The following RNF130 variants were observed in gnomAD, a reference collection of about 807,000 sequenced individuals.
RNF130 encodes the protein ring finger protein 130, also known as E3 ubiquitin-protein ligase RNF130.
RNF130 carries 21 observed loss-of-function variants against 44.6 expected under a neutral mutation model. The ratio of observed to expected loss-of-function variants is 0.47; its 90% CI spans 0.33 to 0.68. The LOEUF (loss-of-function observed/expected upper bound fraction) is 0.68, where lower values mean the gene tolerates loss of function less well. Ranked by LOEUF, RNF130 falls within the 30% of genes least tolerant of loss-of-function variation. The probability of loss-of-function intolerance (pLI) is 0.02; values close to 1 mark genes in which losing one functional copy is unlikely to be tolerated. For missense variants in RNF130, 479 were observed against 560.6 expected (o/e 0.85, Z 1.47); for synonymous variants, 214 against 210.4 (o/e 1.02, Z -0.15).
At chr5:179,915,601 G>T in exon 8 of RNF130, 1 of 152,474 alleles carries the variant, frequency 6.6e-6, no homozygotes, top group Non-Finnish European at 1.5e-5. Context: ...GTCAGAGCCT[G>T]GTGTGGGGTC....
chr5:180,013,370 A>G, intron 2 of RNF130, 59 bp from the exon 3 acceptor site: 8 of 1,424,186 alleles, frequency 5.6e-6, no homozygotes, highest in Non-Finnish European at 7.7e-6. Context: ...GAAACATCAA[A>G]TGTATCAACA....
chr5:180,022,850 A>G (rs1200384162), intron 2 of RNF130, among the ~76,000 whole-genome samples: 1 of 152,256 alleles, frequency 6.6e-6, no homozygotes, highest in East Asian at 1.9e-4. Context: ...ATGCTTTCTT[A>G]CAAGCTTTTG....
rs57927481 is a variant in RNF130, at chr5:180,055,440, T to TCTGTG, written c.248-14794_248-14793insCACAG. Among the ~76,000 whole-genome samples, 968 of 150,684 alleles carry TCTGTG rather than the reference T, an allele frequency of 6.4e-3. 10 individuals carry two copies. The highest frequency in any genetic ancestry group is 0.02 in the African/African-American group (821 of 40,986). ...TCCTCAACCTGAATGTCAGATGACT[T>TCTGTG]TGTGTGTGTGTGCGTGTGTGTGTGT... On this transcript the variant is annotated intron_variant, in intron 1 of 8. Coordinates refer to ENST00000521389, the MANE Select transcript of RNF130 (RefSeq NM_018434.6).
intron 2 of RNF130, among the ~76,000 whole-genome samples, chr5:180,018,294 CAAA>C (rs59354197): frequency 7.9e-5 from 10 of 127,060 alleles, no homozygotes; most frequent in Non-Finnish European, 8.4e-5. Context: ...GACTCCATCT[CAAA>C]AAAAAAAAAA....
intron 7 of RNF130, chr5:179,939,572 G>A (rs537622851): frequency 3.5e-5 from 12 of 338,042 alleles, no homozygotes; most frequent in South Asian, 8.1e-5. Flanking sequence ...TGTTTCTGCC[G>A]TTAACCATTT....
At chr5:180,045,500 A>G (rs999352388) in intron 1 of RNF130, among the ~76,000 whole-genome samples, 3 of 152,218 alleles carry the variant, frequency 2.0e-5, no homozygotes, top group Admixed American at 6.5e-5. Context: ...CAGGGAAAGA[A>G]CAAAGCTCCC....
At chr5:179,945,790 ACT>A (rs1441282485) in intron 7 of RNF130, among the ~76,000 whole-genome samples, 1 of 151,434 alleles carries the variant, frequency 6.6e-6, no homozygotes, top group Non-Finnish European at 1.5e-5. Context: ...GCTGCAGGAA[ACT>A]CTGTCATCTG....
In RNF130 at chr5:179,963,521, G is replaced by A. The variant is rs1237728836; in HGVS notation, c.1194C>T (p.Leu398=). The part of the protein sequence containing the change: ...IIASFGLLSA[L]TLCYMIIRAT... ...CTCTGATGATCATGTAGCAGAGTGTGAGGGCACTGAGGAGGCCAAAACTGG... is the reference window on the plus strand; with the variant it reads ...CTCTGATGATCATGTAGCAGAGTGTAAGGGCACTGAGGAGGCCAAAACTGG... The change falls in exon 8 of 9, where the codon CTC becomes CTT. Residue 398 remains leucine, a synonymous_variant. Coordinates refer to ENST00000521389, the MANE Select transcript of RNF130 (RefSeq NM_018434.6). 1 of 1,614,066 alleles carries A rather than the reference G, an allele frequency of 6.2e-7. No individual in the cohort carries two copies. The highest frequency in any genetic ancestry group is 8.5e-7 in the Non-Finnish European group (1 of 1,179,930).
At chr5:179,941,725 A>G (rs961179477) in intron 7 of RNF130, among the ~76,000 whole-genome samples, 2 of 152,180 alleles carry the variant, frequency 1.3e-5, no homozygotes, top group African/African-American at 4.8e-5. Context: ...AATTTCTTAA[A>G]ATAAAATGTT....
chr5:179,952,112 T>G (rs139365711), downstream of RNF130, among the ~76,000 whole-genome samples: 86 of 152,174 alleles, frequency 5.7e-4, no homozygotes, highest in African/African-American at 2.1e-3. Context: ...GTAGGAGGAT[T>G]GTTGGAGCCA....
chr5:179,937,697 G>A (rs1472160229), intron 7 of RNF130, among the ~76,000 whole-genome samples: 1 of 152,062 alleles, frequency 6.6e-6, no homozygotes, highest in Non-Finnish European at 1.5e-5. Flanking sequence ...TCCACTGCTA[G>A]GTATATAACC....
At chr5:179,920,627 C>T (rs996472233) in intron 7 of RNF130, among the ~76,000 whole-genome samples, 5 of 152,080 alleles carry the variant, frequency 3.3e-5, no homozygotes, top group South Asian at 2.1e-4. Flanking sequence ...TTCCAATCTT[C>T]GGATCCCCAA....
At chr5:179,988,891 C>T (rs543456752) in intron 3 of RNF130, among the ~76,000 whole-genome samples, 4 of 152,296 alleles carry the variant, frequency 2.6e-5, no homozygotes, top group East Asian at 1.9e-4. Flanking sequence ...ATGTCTGTTA[C>T]GTCCATTTGG....
chr5:180,010,482 C>A (rs1763567373), intron 3 of RNF130, among the ~76,000 whole-genome samples: 2 of 151,966 alleles, frequency 1.3e-5, no homozygotes, highest in African/African-American at 4.8e-5. Flanking sequence ...GCTTCAGCCT[C>A]CTGAATGGAT....
chr5:180,052,067 C>CAA (rs1764698507), intron 1 of RNF130, among the ~76,000 whole-genome samples: 1 of 152,166 alleles, frequency 6.6e-6, no homozygotes, highest in African/African-American at 2.4e-5. Context: ...TCCTATCCAT[C>CAA]AAGTTTTCCT....
intron 7 of RNF130, chr5:179,963,786 C>T: frequency 1.8e-6 from 1 of 545,886 alleles, no homozygotes; most frequent in Non-Finnish European, 3.3e-6. Flanking sequence ...CATGGCTCAA[C>T]CATTTCTTCC....
chr5:180,014,106 T>C (rs1763659966), intron 2 of RNF130, among the ~76,000 whole-genome samples: 1 of 152,232 alleles, frequency 6.6e-6, no homozygotes, highest in South Asian at 2.1e-4. Flanking sequence ...CTCTAACAGT[T>C]GTCCAGAGGT....
At chr5:180,010,051 T>C (rs1374367455) in intron 3 of RNF130, among the ~76,000 whole-genome samples, 1 of 151,830 alleles carries the variant, frequency 6.6e-6, no homozygotes, top group Non-Finnish European at 1.5e-5. Context: ...ATCGAGACCA[T>C]CCTGGCTAAC....
At chr5:179,972,500 A>G (rs529801154) in intron 5 of RNF130, among the ~76,000 whole-genome samples, 215 of 152,088 alleles carry the variant, frequency 1.4e-3, no homozygotes, top group African/African-American at 5.0e-3. Flanking sequence ...GCTCTGGTGC[A>G]GGAATGGGAG....
Sources: allele counts gnomAD v4.1 joint callset (sites outside exome capture counted in the v4.1 genomes callset), GRCh38; gene constraint gnomAD v4.1.1; transcripts MANE v1.5; gene names NCBI Gene and HGNC (gene_info 2026-07-23, HGNC 2026-07-21).